Variants in GSN observed in about 807,000 individuals in gnomAD.
GSN encodes the protein gelsolin.
GSN carries 56 observed loss-of-function variants against 85.7 expected under a neutral mutation model. That is an observed-to-expected ratio of 0.65 (90% CI 0.53 to 0.82). GSN has a LOEUF of 0.82. Among genes scored for constraint, GSN ranks in the 40% least tolerant of loss-of-function variants. The pLI is 0.00. For synonymous variants in GSN, 373 were observed against 399.1 expected, an observed-to-expected ratio of 0.93 and a Z score of 0.78; for missense variants, 857 against 979.8, an observed-to-expected ratio of 0.87 and a Z score of 1.67.
rs1203309936 is a variant in GSN, at chr9:121,299,965, C to T, written c.-9-1998C>T. ...GCGGCCACTGCGTCGCGGGGGGCGT[C>T]CCAGGCGGGGGCGCCCCAGGGGCGG... On this transcript the variant is annotated intron_variant, in intron 2 of 17. Transcript: ENST00000432226. The surrounding 1 kb of genome is among the most constrained non-coding windows in gnomAD (Gnocchi z 4.2). The T allele has an allele frequency of 1.5e-6, 2 of 1,303,922 alleles. No homozygotes were observed. Among genetic ancestry groups the T allele is most frequent in the African/African-American group, 3.1e-5 (2 of 65,328 alleles). 80.8% of individuals were successfully genotyped at this position (1,303,922 alleles called of 1,614,324 possible).
intron 7 of GSN, among the ~76,000 whole-genome samples, chr9:121,316,158 T>G (rs1427619968): frequency 2.6e-5 from 4 of 152,252 alleles, no homozygotes; most frequent in Admixed American, 2.6e-4. Context: ...GTTAAACTTT[T>G]GAATTTTGAC....
chr9:121,309,451 C>T (rs1210748748), intron 4 of GSN: 1 of 152,162 alleles, frequency 6.6e-6, no homozygotes, highest in East Asian at 1.9e-4. Context: ...CAAAGCCATC[C>T]AGCATTGTTG....
chr9:121,224,148 G>A (rs1385760648), intron 4 of GSN, among the ~76,000 whole-genome samples: 1 of 151,952 alleles, frequency 6.6e-6, no homozygotes, highest in African/African-American at 2.4e-5. Flanking sequence ...CCAGGCTGGA[G>A]TGCAGTGGTG....
chr9:121,279,519 T>A (rs987432003), intron 1 of GSN, among the ~76,000 whole-genome samples: 1 of 151,842 alleles, frequency 6.6e-6, no homozygotes, highest in African/African-American at 2.4e-5. Context: ...GGGGTTGAAC[T>A]AGCAAGACAT....
intron 13 of GSN, 21 bp from the exon 14 acceptor site, chr9:121,327,287 A>G (rs749564984): frequency 2.7e-5 from 43 of 1,608,570 alleles, no homozygotes; most frequent in Middle Eastern, 1.7e-4. Context: ...GTTCCTGATT[A>G]ACCAAGCTGT....
intron 2 of GSN, among the ~76,000 whole-genome samples, chr9:121,289,887 G>A (rs1466586072): frequency 6.6e-6 from 1 of 152,182 alleles, no homozygotes; most frequent in Non-Finnish European, 1.5e-5. Context: ...TGTCTGCACC[G>A]AGGTCTGCAG....
chr9:121,226,273 C>A (rs2054271468), intron 4 of GSN, among the ~76,000 whole-genome samples: 1 of 152,232 alleles, frequency 6.6e-6, no homozygotes, highest in Non-Finnish European at 1.5e-5. Context: ...ATGGGAGAGG[C>A]ACTTTCTCCT....
chr9:121,263,210 G>C (rs535149509), upstream of GSN, among the ~76,000 whole-genome samples: 1 of 152,186 alleles, frequency 6.6e-6, no homozygotes, highest in Admixed American at 6.5e-5. Context: ...TATTCCCACC[G>C]TGGGGACTGG....
intron 6 of GSN, among the ~76,000 whole-genome samples, chr9:121,249,455 C>T (rs566705528): frequency 1.1e-4 from 16 of 152,072 alleles, no homozygotes; most frequent in South Asian, 2.1e-4. Context: ...CCAGCCTGGG[C>T]GACAGCCTGA....
At chr9:121,278,637 T>C (rs2056957687) in intron 1 of GSN, among the ~76,000 whole-genome samples, 1 of 152,214 alleles carries the variant, frequency 6.6e-6, no homozygotes, top group South Asian at 2.1e-4. Flanking sequence ...AACAGGCACG[T>C]AGTGAGAGCC....
intron 6 of GSN, among the ~76,000 whole-genome samples, chr9:121,258,322 G>C (rs887844768): frequency 6.6e-6 from 1 of 152,192 alleles, no homozygotes; most frequent in Non-Finnish European, 1.5e-5. Flanking sequence ...TATTAGCTGG[G>C]CGTGGTGGTG....
At chr9:121,219,309 G>C (rs1462598833) in intron 4 of GSN, among the ~76,000 whole-genome samples, 1 of 151,180 alleles carries the variant, frequency 6.6e-6, no homozygotes, top group Admixed American at 6.6e-5. Context: ...TGTTGCCCAG[G>C]CTGGTCTTGA....
intron 10 of GSN, among the ~76,000 whole-genome samples, chr9:121,320,384 C>T (rs967350204): frequency 1.3e-5 from 2 of 152,252 alleles, no homozygotes; most frequent in Non-Finnish European, 2.9e-5. Flanking sequence ...GTGGCTCACG[C>T]CTGTAATCCC....
intron 10 of GSN, 22 bp from the exon 11 acceptor site, chr9:121,321,246 G>T: frequency 6.2e-7 from 1 of 1,613,466 alleles, no homozygotes; most frequent in South Asian, 1.1e-5. Flanking sequence ...CACAGCATCT[G>T]ACTCCAGCTT....
chr9:121,310,593 A>C (rs2060990538), intron 4 of GSN, 91 bp from the exon 5 acceptor site: 2 of 1,289,180 alleles, frequency 1.6e-6, no homozygotes, highest in East Asian at 2.4e-5. Context: ...CACAAGCCAG[A>C]ATTTCCTTTA....
At chr9:121,309,395 T>C (rs978188204) in intron 4 of GSN, 1 of 152,152 alleles carries the variant, frequency 6.6e-6, no homozygotes, top group Non-Finnish European at 1.5e-5. Flanking sequence ...GTGTCTCCAC[T>C]TCAGAAAGGA....
At chr9:121,265,821 A>G (rs1226797269), upstream of GSN, 2 of 152,244 alleles carry the variant, frequency 1.3e-5, no homozygotes, top group Admixed American at 1.3e-4. Flanking sequence ...ACAAAGAGGT[A>G]TCTAGAAAGG....
intron 6 of GSN, among the ~76,000 whole-genome samples, chr9:121,250,727 T>TG (rs1277854774): frequency 7.0e-6 from 1 of 143,092 alleles, no homozygotes; most frequent in Non-Finnish European, 1.5e-5. Context: ...TTAGTAGAGA[T>TG]GGGGTTTCAC....
Position 121,227,351 on chromosome 9 carries a change from G to A in GSN, c.-527-3814G>A, listed in dbSNP as rs550790028. On this transcript the variant is annotated intron_variant, in intron 4 of 24. Coordinates refer to the GSN transcript ENST00000373823. ...GGAGGTTGCAGTGAGCCGAGGTGGC[G>A]CCACTGCCCTCCAGCCTAGGCAACA... 9.2e-5 allele frequency among the ~76,000 whole-genome samples: 14 copies of A among 151,752 alleles called. No homozygotes were observed. In the South Asian group the frequency reaches 1.9e-3, roughly 20 times the overall value.
Sources: gnomAD v4.1 joint callset for allele counts (sites outside exome capture counted in the v4.1 genomes callset) on GRCh38, gnomAD v4.1.1 for gene constraint, Gnocchi (gnomAD v3.1) non-coding constraint, MANE v1.5 for transcripts, NCBI Gene and HGNC (gene_info 2026-07-23, HGNC 2026-07-21) for gene names.